Variants in LRP1B observed in about 807,000 individuals in gnomAD.
LRP1B encodes LDL receptor related protein 1B.
In LRP1B, 217 loss-of-function variants were observed where a neutral mutation model predicts 556.6. The ratio of observed to expected loss-of-function variants is 0.39; its 90% CI spans 0.35 to 0.44. The LOEUF is 0.44. Ranked by LOEUF, LRP1B falls within the 20% of genes least tolerant of loss-of-function variation. The pLI is 1.00. For synonymous variants in LRP1B, 2,047 were observed against 1,865.8 expected, an observed-to-expected ratio of 1.10 and a Z score of -2.50; for missense variants, 5,053 against 5,620.8, an observed-to-expected ratio of 0.90 and a Z score of 3.23.
At chr2:140,488,253 A>G (rs1316320086) in intron 57 of LRP1B, among the ~76,000 whole-genome samples, 2 of 151,096 alleles carry the variant, frequency 1.3e-5, no homozygotes, top group East Asian at 3.9e-4. Context: ...CCCAACAACA[A>G]TATAAAAGAG....
intron 77 of LRP1B, among the ~76,000 whole-genome samples, chr2:140,340,077 T>C (rs1444720848): frequency 6.6e-6 from 1 of 151,548 alleles, no homozygotes; most frequent in South Asian, 2.1e-4. Context: ...ATTTTGTTAC[T>C]CTTTTTTTTT....
rs1051954432 is a variant in LRP1B, at chr2:141,521,153, G to A, written c.206-40620C>T. On this transcript the variant is annotated intron_variant, in intron 2 of 90. Transcript: ENST00000389484. ...CAAGTCAGGGTTGGGGATATTATCAGAATTTTGCCTTAAGAATGGCAGTTT... is the reference window on the plus strand; with the variant it reads ...CAAGTCAGGGTTGGGGATATTATCAAAATTTTGCCTTAAGAATGGCAGTTT... Among the ~76,000 whole-genome samples the A allele has an allele frequency of 6.4e-4, 98 of 152,070 alleles. 1 individual carries two copies. Among genetic ancestry groups the A allele is most frequent in the Admixed American group, 6.4e-3 (98 of 15,252 alleles).
At chr2:140,982,677 T>G (rs1197705865) in intron 17 of LRP1B, among the ~76,000 whole-genome samples, 4 of 152,188 alleles carry the variant, frequency 2.6e-5, no homozygotes, top group Admixed American at 2.6e-4. Context: ...AAACTTTTTT[T>G]GTAGTATTGT....
At chr2:141,743,115 T>C (rs1005702610) in intron 2 of LRP1B, among the ~76,000 whole-genome samples, 2 of 152,122 alleles carry the variant, frequency 1.3e-5, no homozygotes, top group African/African-American at 4.8e-5. Flanking sequence ...ATGATTGTTA[T>C]AGCTATGTGG....
chr2:141,845,127 GA>G (rs5834874), intron 1 of LRP1B, among the ~76,000 whole-genome samples: 40,055 of 148,942 alleles, frequency 0.27, 5,590 homozygotes, highest in Admixed American at 0.33. Flanking sequence ...TCATTTTCAG[GA>G]AAAAAAAAAT....
chr2:140,467,331 C>CAGTG (rs1687586002), intron 60 of LRP1B, among the ~76,000 whole-genome samples: 1 of 151,956 alleles, frequency 6.6e-6, no homozygotes, highest in African/African-American at 2.4e-5. Context: ...AGGCCTGGTG[C>CAGTG]AGTGGCTCAT....
chr2:141,149,676 G>A lies in LRP1B; in HGVS notation c.1013+38745C>T, dbSNP rs111245320. ...AGAAGGAGGCCTGAGGCACTGCGTC[G>A]GCTTCAGTCTTTGCTTCCCAAGACA... On this transcript the variant is annotated intron_variant, in intron 7 of 90. Transcript: ENST00000389484. Among the ~76,000 whole-genome samples, 633 of 152,136 alleles carry A rather than the reference G, an allele frequency of 4.2e-3. 8 individuals carry two copies. Among genetic ancestry groups the A allele is most frequent in the African/African-American group, 0.014 (561 of 41,506 alleles).
intron 2 of LRP1B, among the ~76,000 whole-genome samples, chr2:141,620,315 A>G (rs1016386362): frequency 1.3e-5 from 2 of 152,226 alleles, no homozygotes; most frequent in African/African-American, 4.8e-5. Context: ...CAGATAGGCA[A>G]TTTGTGACAT....
At chr2:140,848,040 C>T (rs1692330111) in intron 29 of LRP1B, among the ~76,000 whole-genome samples, 1 of 151,824 alleles carries the variant, frequency 6.6e-6, no homozygotes, top group Non-Finnish European at 1.5e-5. Flanking sequence ...ACATCTTTTG[C>T]TCTTTATAAT....
At chr2:141,417,026 A>G (rs1286761237) in intron 3 of LRP1B, among the ~76,000 whole-genome samples, 1 of 152,210 alleles carries the variant, frequency 6.6e-6, no homozygotes. Flanking sequence ...ACTAAATTTT[A>G]TAGTCATATA....
At chr2:140,783,146 A>G (rs1484043280) in intron 32 of LRP1B, among the ~76,000 whole-genome samples, 1 of 152,122 alleles carries the variant, frequency 6.6e-6, no homozygotes, top group Non-Finnish European at 1.5e-5. Context: ...AATTATAATT[A>G]TTACATTTTT....
chr2:140,967,618 A>T (rs942270324), intron 18 of LRP1B, among the ~76,000 whole-genome samples: 3 of 151,758 alleles, frequency 2.0e-5, no homozygotes, highest in South Asian at 2.1e-4. Context: ...GTCTTGTGCC[A>T]GTTTTCAAAG....
chr2:141,337,657 T>G (rs919698956), intron 3 of LRP1B, among the ~76,000 whole-genome samples: 1 of 152,220 alleles, frequency 6.6e-6, no homozygotes, highest in Admixed American at 6.5e-5. Context: ...AATTCTTTCC[T>G]CTGTCAACTT....
chr2:140,603,491 C>A (rs1054424637), intron 41 of LRP1B, among the ~76,000 whole-genome samples: 1 of 152,066 alleles, frequency 6.6e-6, no homozygotes, highest in Non-Finnish European at 1.5e-5. Context: ...TGAGAAATGG[C>A]ATAGCTCTGA....
intron 37 of LRP1B, among the ~76,000 whole-genome samples, chr2:140,709,209 G>A (rs1250362527): frequency 6.6e-6 from 1 of 151,898 alleles, no homozygotes; most frequent in Non-Finnish European, 1.5e-5. Context: ...CATGTATCCT[G>A]GTGCTTAAAA....
chr2:140,833,880 G>A (rs888796741), intron 31 of LRP1B, among the ~76,000 whole-genome samples: 8 of 152,150 alleles, frequency 5.3e-5, no homozygotes, highest in Non-Finnish European at 1.2e-4. Flanking sequence ...TTTTATAAAT[G>A]AGAATCAAAA....
chr2:140,702,597 T>C (rs1423519718), intron 37 of LRP1B, 44 bp from the exon 38 acceptor site: 2 of 1,589,342 alleles, frequency 1.3e-6, no homozygotes, highest in Admixed American at 1.7e-5. Flanking sequence ...TACATTTATT[T>C]GTAGTATGCA....
intron 84 of LRP1B, among the ~76,000 whole-genome samples, chr2:140,295,540 G>C (rs1459065907): frequency 6.6e-6 from 1 of 152,118 alleles, no homozygotes; most frequent in Non-Finnish European, 1.5e-5. Flanking sequence ...GCTACTTTGT[G>C]TGAAAATTCA....
At chr2:140,572,709 G>A (rs1038925549) in intron 43 of LRP1B, among the ~76,000 whole-genome samples, 2 of 151,226 alleles carry the variant, frequency 1.3e-5, no homozygotes, top group Admixed American at 1.3e-4. Context: ...CACAATAGCC[G>A]AAATACAGAA....
Sources: gnomAD v4.1 joint callset for allele counts (sites outside exome capture counted in the v4.1 genomes callset) on GRCh38, gnomAD v4.1.1 for gene constraint, MANE v1.5 for transcripts, NCBI Gene and HGNC (gene_info 2026-07-23, HGNC 2026-07-21) for gene names.